Variants in ADGRA3 observed in about 807,000 individuals in gnomAD.
ADGRA3 encodes adhesion G protein-coupled receptor A3.
In ADGRA3, 56 loss-of-function variants were observed where a neutral mutation model predicts 119.8. The ratio of observed to expected loss-of-function variants is 0.47; its 90% CI spans 0.38 to 0.58. The LOEUF (loss-of-function observed/expected upper bound fraction) is 0.58. Among genes scored for constraint, ADGRA3 ranks in the 20% least tolerant of loss-of-function variants. ADGRA3 has a pLI of 0.00. For synonymous variants in ADGRA3, 607 were observed against 623.8 expected, an observed-to-expected ratio of 0.97 and a Z score of 0.40; for missense variants, 1,516 against 1,649.0, an observed-to-expected ratio of 0.92 and a Z score of 1.40.
intron 1 of ADGRA3, among the ~76,000 whole-genome samples, chr4:22,489,835 A>C (rs950844038): frequency 7.2e-5 from 11 of 152,218 alleles, no homozygotes; most frequent in African/African-American, 2.7e-4. Flanking sequence ...ATTATTCAAA[A>C]TGAGACAGCA....
At chr4:22,459,182 C>T (rs894064969) in intron 3 of ADGRA3, among the ~76,000 whole-genome samples, 6 of 152,114 alleles carry the variant, frequency 3.9e-5, no homozygotes, top group Admixed American at 3.9e-4. Flanking sequence ...AAGAGCATGA[C>T]CAATTTTTAC....
chr4:22,436,779 G>C lies in ADGRA3; in HGVS notation c.1086-138C>G, dbSNP rs552825598. The stretch of plus-strand genomic sequence containing the variant: ...TGACACGGGTCATCAAAACTGGGCT[G>C]GGAGAAACCTTTGTTATTTGAACTC... On this transcript the variant is annotated intron_variant, in intron 8 of 18. Coordinates refer to ENST00000334304, the MANE Select transcript of ADGRA3 (RefSeq NM_145290.4). The C allele has an allele frequency of 7.4e-6, 5 of 675,380 alleles. No individual in the cohort carries two copies. The Admixed American group carries it at 1.1e-4, about 15-fold the overall frequency. The allele number at this position is 675,380 out of a possible 1,614,324, so 41.8% of individuals were successfully genotyped here.
At position 22,387,383 on chromosome 4, in the gene ADGRA3, T is replaced by G. The variant is rs1560290000; in HGVS notation, c.*322A>C. 1 of 224,062 alleles carries G rather than the reference T, an allele frequency of 4.5e-6. No homozygotes were observed. The highest frequency in any genetic ancestry group is 9.8e-5 in the East Asian group (1 of 10,166). 13.9% of individuals were successfully genotyped at this position (224,062 alleles called of 1,614,324 possible). A position where few individuals can be genotyped will look rare whatever the true frequency, so the allele number is the denominator to read the frequency against. On this transcript the variant is annotated 3_prime_UTR_variant, in exon 19 of 19. Coordinates refer to ENST00000334304, the MANE Select transcript of ADGRA3 (RefSeq NM_145290.4). The stretch of plus-strand genomic sequence containing the variant: ...ATATAAAAATAACAGATCGACACAA[T>G]AACAAACACCTATTTATTATATTAA...
At chr4:22,509,910 T>G (rs56281913) in intron 1 of ADGRA3, among the ~76,000 whole-genome samples, 6,434 of 147,964 alleles carry the variant, frequency 0.043, 224 homozygotes, top group African/African-American at 0.095. Flanking sequence ...CTCGGGAGGC[T>G]GAGGCAGGAG....
intron 4 of ADGRA3, among the ~76,000 whole-genome samples, chr4:22,447,936 C>A (rs1716888243): frequency 6.6e-6 from 1 of 152,116 alleles, no homozygotes; most frequent in Non-Finnish European, 1.5e-5. Context: ...CCTCAATGAT[C>A]AGCAGCAGTA....
chr4:22,387,820 T>A lies in ADGRA3; in HGVS notation c.3851A>T (p.Asn1284Ile), dbSNP rs1713903946. The change falls in exon 19 of 19, where the codon AAC becomes ATC. Residue 1284 changes from asparagine to isoleucine, a missense_variant. Physicochemically the swap from Asn to Ile is moderately radical, Grantham distance 149. This residue lies in a region of ADGRA3 where 1,088 missense variants were observed against 1,107.1 expected (regional missense o/e 0.98). Coordinates refer to ENST00000334304, the MANE Select transcript of ADGRA3 (RefSeq NM_145290.4). ...LENQQKSYGL[N>I]LAIQNGPIKS... ...AATTGGTCCATTCTGAATGGCCAAG[T>A]TGAGGCCATAAGATTTTTGCTGATT... 2 of 1,614,152 alleles carry A rather than the reference T, an allele frequency of 1.2e-6. No homozygotes were observed. Among genetic ancestry groups the A allele is most frequent in the East Asian group, 2.2e-5 (1 of 44,872 alleles).
In ADGRA3 at chr4:22,410,034, G is replaced by T. The variant is rs565480192; in HGVS notation, c.2232+3148C>A. On this transcript the variant is annotated intron_variant, in intron 14 of 18. Coordinates refer to ENST00000334304, the MANE Select transcript of ADGRA3 (RefSeq NM_145290.4). ...ATTTATGTTCAATTATAGAGTAAATGATATCAAAGTTGCTTTGAATACCAT... is the reference window on the plus strand; with the variant it reads ...ATTTATGTTCAATTATAGAGTAAATTATATCAAAGTTGCTTTGAATACCAT... 2.6e-5 allele frequency among the ~76,000 whole-genome samples: 4 copies of T among 152,156 alleles called. No homozygotes were observed. In the East Asian group the frequency reaches 7.7e-4, roughly 29 times the overall value.
At chr4:22,409,959 T>C (rs879273199) in intron 14 of ADGRA3, among the ~76,000 whole-genome samples, 2 of 152,184 alleles carry the variant, frequency 1.3e-5, no homozygotes, top group Non-Finnish European at 2.9e-5. Flanking sequence ...ATTACATCCA[T>C]GTGAGTATAG....
intron 10 of ADGRA3, among the ~76,000 whole-genome samples, chr4:22,428,011 C>G (rs537656160): frequency 6.6e-6 from 1 of 152,210 alleles, no homozygotes; most frequent in East Asian, 1.9e-4. Flanking sequence ...TTGTAAGAGA[C>G]AGGATATTTC....
At chr4:22,391,475 G>C (rs1046545034) in intron 17 of ADGRA3, among the ~76,000 whole-genome samples, 5 of 152,054 alleles carry the variant, frequency 3.3e-5, no homozygotes, top group African/African-American at 4.8e-5. Flanking sequence ...ATCAATCCTA[G>C]AGAAACTGCC....
At chr4:22,407,214 T>A (rs1161878155) in intron 14 of ADGRA3, among the ~76,000 whole-genome samples, 5 of 152,088 alleles carry the variant, frequency 3.3e-5, no homozygotes, top group Admixed American at 3.3e-4. Flanking sequence ...GAGCTTGCAG[T>A]GAGCCGAGAT....
At chr4:22,434,607 A>G (rs1716319105) in intron 10 of ADGRA3, among the ~76,000 whole-genome samples, 1 of 152,226 alleles carries the variant, frequency 6.6e-6, no homozygotes. Context: ...GAAATTGTAC[A>G]TATAAAGTTC....
chr4:22,414,213 T>C (rs1020276771), intron 12 of ADGRA3: 1 of 212,170 alleles, frequency 4.7e-6, no homozygotes, highest in Non-Finnish European at 9.3e-6. Flanking sequence ...TAAATATGAG[T>C]ATAATTAATT....
At chr4:22,398,816 T>C (rs965435373) in intron 16 of ADGRA3, among the ~76,000 whole-genome samples, 2 of 152,318 alleles carry the variant, frequency 1.3e-5, no homozygotes, top group East Asian at 1.9e-4. Context: ...TTCCAGGTTT[T>C]TGATATTGTG....
At chr4:22,437,869 A>G (rs1716456897) in intron 8 of ADGRA3, among the ~76,000 whole-genome samples, 1 of 152,198 alleles carries the variant, frequency 6.6e-6, no homozygotes, top group African/African-American at 2.4e-5. Context: ...CCTTAGCAAT[A>G]TAAAACCTTC....
At chr4:22,492,056 T>C (rs540620987) in intron 1 of ADGRA3, among the ~76,000 whole-genome samples, 3 of 152,312 alleles carry the variant, frequency 2.0e-5, no homozygotes, top group African/African-American at 7.2e-5. Flanking sequence ...GAGAAAATAA[T>C]ATTGCTAAGA....
chr4:22,490,459 GTC>G (rs372899116), intron 1 of ADGRA3, among the ~76,000 whole-genome samples: 22 of 152,216 alleles, frequency 1.4e-4, no homozygotes, highest in African/African-American at 4.8e-4. Context: ...AGGAGTCTGA[GTC>G]TCTGATTTTT....
At position 22,473,763 on chromosome 4, in the gene ADGRA3, A is replaced by C. The variant is rs1717938607; in HGVS notation, c.329+9T>G. The C allele has an allele frequency of 6.6e-7, 1 of 1,519,180 alleles. No homozygotes were observed. Among genetic ancestry groups the C allele is most frequent in the African/African-American group, 1.4e-5 (1 of 73,054 alleles). The allele number at this position is 1,519,180 out of a possible 1,614,324, so 94.1% of individuals were successfully genotyped here. A position where few individuals can be genotyped will look rare whatever the true frequency, so the allele number is the denominator to read the frequency against. On this transcript the variant is annotated intron_variant, in intron 2 of 18. Transcript: ENST00000334304. ...AATAATAATGAGATGATAATTAAAG[A>C]ATACTCACAATCTTTCAAGGAGACT...
intron 3 of ADGRA3, among the ~76,000 whole-genome samples, chr4:22,456,247 G>A (rs573923283): frequency 1.4e-4 from 21 of 152,150 alleles, no homozygotes; most frequent in Non-Finnish European, 2.2e-4. Flanking sequence ...TGTCAACTTC[G>A]CTGGATTGAG....
Sources: gnomAD v4.1 joint callset for allele counts (sites outside exome capture counted in the v4.1 genomes callset) on GRCh38, gnomAD v4.1.1 for gene constraint, gnomAD v4.1.1 regional missense constraint, MANE v1.5 for transcripts, NCBI Gene and HGNC (gene_info 2026-07-23, HGNC 2026-07-21) for gene names.